The following CD36 variants were observed in gnomAD, a reference collection of about 807,000 sequenced individuals.
The protein encoded by CD36 is CD36 molecule (CD36 blood group).
In CD36, 119 loss-of-function variants were observed where a neutral mutation model predicts 55.2. That is an observed-to-expected ratio of 2.15 (90% confidence interval 1.86 to 2.51). CD36 has a LOEUF of 2.51. Ranked by LOEUF, CD36 falls within the 30% of genes most tolerant of loss-of-function variation. The pLI is 0.00. For synonymous variants in CD36, 186 were observed against 193.6 expected (o/e 0.96, Z 0.33); for missense variants, 819 against 555.5 (o/e 1.47, Z -4.77).
intron 3 of CD36, among the ~76,000 whole-genome samples, chr7:80,653,933 T>C (rs1795815809): frequency 6.6e-6 from 1 of 152,196 alleles, no homozygotes; most frequent in African/African-American, 2.4e-5. Context: ...GATTTTTCTA[T>C]TATCTGCTAG....
chr7:80,603,769 CAAAAA>C (rs371964967), intron 1 of CD36, among the ~76,000 whole-genome samples: 3 of 94,406 alleles, frequency 3.2e-5, no homozygotes, highest in African/African-American at 3.8e-5. Context: ...TACAGTCAGG[CAAAAA>C]AAAAAAAAAA....
intron 1 of CD36, among the ~76,000 whole-genome samples, chr7:80,645,422 A>G (rs1323408139): frequency 3.3e-5 from 5 of 151,566 alleles, no homozygotes; most frequent in African/African-American, 9.7e-5. Context: ...TCACGAGGTC[A>G]GGAGTTCGAG....
Position 80,677,276 on chromosome 7 carries a change from C to G in CD36, c.*893C>G, listed in dbSNP as rs1019222531. 2.0e-5 allele frequency: 3 copies of G among 152,152 alleles called. No individual in the cohort carries two copies. The highest frequency in any genetic ancestry group is 4.8e-5 in the African/African-American group (2 of 41,428). The allele number at this position is 152,152 out of a possible 1,614,324, so 9.4% of individuals were successfully genotyped here. A position where few individuals can be genotyped will look rare whatever the true frequency, so the allele number is the denominator to read the frequency against. ...CATAAGGAGACACATTAATAGGTAA[C>G]TCTGTTTCTTGAGCAGGGGTTCACT... On this transcript the variant is annotated 3_prime_UTR_variant, in exon 15 of 15. Transcript: ENST00000447544.
At chr7:80,611,325 C>T (rs772435621) in intron 1 of CD36, among the ~76,000 whole-genome samples, 7 of 152,130 alleles carry the variant, frequency 4.6e-5, no homozygotes, top group African/African-American at 1.2e-4. Flanking sequence ...ACCTCAAAAT[C>T]GTCGTCCCGT....
intron 5 of CD36, chr7:80,662,536 G>A (rs1280729572): frequency 6.9e-6 from 2 of 289,060 alleles, no homozygotes; most frequent in South Asian, 4.3e-5. Flanking sequence ...AATTGTCTGC[G>A]CCATTTCTGT....
chr7:80,641,454 A>T (rs2116311413), intron 1 of CD36, among the ~76,000 whole-genome samples: 1 of 152,204 alleles, frequency 6.6e-6, no homozygotes, highest in Admixed American at 6.6e-5. Context: ...TTATGGACAG[A>T]TGCTGTATTT....
In CD36 at chr7:80,679,142, A is replaced by G. The variant is rs1263035461; in HGVS notation, c.*2759A>G. On this transcript the variant is annotated 3_prime_UTR_variant, in exon 15 of 15. Transcript: ENST00000447544. Reference sequence around the variant, plus strand: ...GAGCTATTTTCACTGAGCTGAGCTAATGAACTAAAACTGAGTTATGTTTAA... The same window carrying G: ...GAGCTATTTTCACTGAGCTGAGCTAGTGAACTAAAACTGAGTTATGTTTAA... 6.6e-6 allele frequency: 1 copy of G among 152,196 alleles called. No individual in the cohort carries two copies. The highest frequency in any genetic ancestry group is 1.5e-5 in the Non-Finnish European group (1 of 68,038). The allele number at this position is 152,196 out of a possible 1,614,324, so 9.4% of individuals were successfully genotyped here.
At chr7:80,673,609 A>G in intron 13 of CD36, 200 bp downstream of exon 13, 1 of 572,946 alleles carries the variant, frequency 1.7e-6, no homozygotes, top group South Asian at 2.3e-5. Flanking sequence ...TTCTTCAAAA[A>G]TGCATCTATT....
chr7:80,633,977 TATC>T (rs1383048752), upstream of CD36, among the ~76,000 whole-genome samples: 1 of 151,814 alleles, frequency 6.6e-6, no homozygotes, highest in Non-Finnish European at 1.5e-5. Flanking sequence ...CTTAATGTAA[TATC>T]AGGTTAAAAT....
intron 3 of CD36, among the ~76,000 whole-genome samples, chr7:80,652,105 T>A (rs1795673232): frequency 6.6e-6 from 1 of 152,060 alleles, no homozygotes; most frequent in Non-Finnish European, 1.5e-5. Flanking sequence ...TTTAATAACG[T>A]AAGAACAACC....
At chr7:80,651,034 T>A (rs1261075515) in intron 3 of CD36, among the ~76,000 whole-genome samples, 1 of 152,034 alleles carries the variant, frequency 6.6e-6, no homozygotes, top group Admixed American at 6.6e-5. Context: ...TTACAAAAGA[T>A]AATTTATCAC....
chr7:80,672,042 T>C lies in CD36; in HGVS notation c.1125+2T>C. 6.2e-7 allele frequency: 1 copy of C among 1,601,384 alleles called. No homozygotes were observed. ...AGGACATACTTGGATATTGAACCTG[T>C]AAGAAAACACCTTATTGATCTGATT... On this transcript the variant is annotated splice_donor_variant, in intron 11 of 14. Coordinates refer to ENST00000447544, the MANE Select transcript of CD36 (RefSeq NM_001001548.3). LOFTEE classifies it high-confidence loss of function.
rs994320174 is a variant in CD36, at chr7:80,627,463, CT to C, written c.-183-18614del. Among the ~76,000 whole-genome samples, 223 of 144,704 alleles carry C rather than the reference CT, an allele frequency of 1.5e-3. 1 individual carries two copies. The highest frequency in any genetic ancestry group is 3.3e-3 in the African/African-American group (132 of 39,686). 94.9% of individuals were successfully genotyped at this position (144,704 alleles called of 152,430 possible). A position where few individuals can be genotyped will look rare whatever the true frequency, so the allele number is the denominator to read the frequency against. ...TTGACCCCCTCCCTTAAAAGAGGGG[CT>C]TTTTTTTTTTCACTTAGACTACAGA... On this transcript the variant is annotated intron_variant, in intron 1 of 13. Coordinates refer to the CD36 transcript ENST00000309881.
chr7:80,658,282 C>CACAT (rs1554340582), intron 4 of CD36, among the ~76,000 whole-genome samples: 184 of 151,414 alleles, frequency 1.2e-3, no homozygotes, highest in East Asian at 3.1e-3. Flanking sequence ...TATATACACA[C>CACAT]ATATATATAT....
intron 11 of CD36, 113 bp from the exon 12 acceptor site, chr7:80,672,657 T>G (rs976113069): frequency 2.8e-6 from 2 of 724,084 alleles, no homozygotes; most frequent in African/African-American, 3.5e-5. Context: ...TTTCAATTAG[T>G]CCTGTTTAAC....
chr7:80,671,081 A>T lies in CD36; in HGVS notation c.923A>T (p.Asp308Val). The T allele has an allele frequency of 6.2e-7, 1 of 1,612,824 alleles. No homozygotes were observed. The highest frequency in any genetic ancestry group is 8.5e-7 in the Non-Finnish European group (1 of 1,179,012). The change falls in exon 10 of 15, where the codon GAC becomes GTC. Residue 308 changes from aspartate (D) to valine (V), a missense_variant. By Grantham distance (152) the Asp-to-Val change is radical. Coordinates refer to ENST00000447544, the MANE Select transcript of CD36 (RefSeq NM_001001548.3). The part of the protein sequence containing the change: ...KAFASPVENP[D>V]NYCFCTEKII... ...TTTGCCTCTCCAGTTGAAAACCCAG[A>T]CAACTATTGTTTCTGCACAGAAAAA...
intron 11 of CD36, 114 bp from the exon 12 acceptor site, chr7:80,672,656 G>C: frequency 9.7e-6 from 7 of 721,584 alleles, no homozygotes; most frequent in South Asian, 1.6e-5. Context: ...GTTTCAATTA[G>C]TCCTGTTTAA....
rs759343754 is a variant in CD36, at chr7:80,656,589, C to T, written c.170C>T (p.Thr57Ile). Residue 57 changes from threonine to isoleucine, a missense_variant, in exon 4 of 15, where the codon ACA becomes ATA. Transcript: ENST00000447544. Reference protein sequence around the residue: ...GTIAFKNWVKTGTEVYRQFWI... With the variant: ...GTIAFKNWVKIGTEVYRQFWI... ...ATTGCTTTTAAAAATTGGGTTAAAACAGGCACAGAAGTTTACAGACAGTTT... is the reference window on the plus strand; with the variant it reads ...ATTGCTTTTAAAAATTGGGTTAAAATAGGCACAGAAGTTTACAGACAGTTT... 1.2e-6 allele frequency: 2 copies of T among 1,613,692 alleles called. No homozygotes were observed. Among genetic ancestry groups the T allele is most frequent in the Non-Finnish European group, 8.5e-7 (1 of 1,179,746 alleles).
intron 4 of CD36, among the ~76,000 whole-genome samples, chr7:80,657,053 T>C (rs1796149676): frequency 6.6e-6 from 1 of 152,196 alleles, no homozygotes; most frequent in Non-Finnish European, 1.5e-5. Flanking sequence ...CTCTGAAATA[T>C]TCCTGCTGAG....
Sources: gnomAD v4.1 joint callset for allele counts (sites outside exome capture counted in the v4.1 genomes callset) on GRCh38, gnomAD v4.1.1 for gene constraint, MANE v1.5 for transcripts, NCBI Gene and HGNC (gene_info 2026-07-23, HGNC 2026-07-21) for gene names.